The following CRY2 variants were observed in gnomAD, a reference collection of about 807,000 sequenced individuals.
CRY2 encodes cryptochrome circadian regulator 2.
CRY2 carries 31 observed loss-of-function variants against 69.5 expected under a neutral mutation model. The observed-to-expected ratio is 0.45, with a 90% CI of 0.34 to 0.60. CRY2 has a LOEUF of 0.60. Among genes scored for constraint, CRY2 ranks in the 20% least tolerant of loss-of-function variants. CRY2 has a pLI of 0.02. For missense variants in CRY2, 606 were observed against 797.8 expected, an observed-to-expected ratio of 0.76 and a Z score of 2.90; for synonymous variants, 303 against 312.2, an observed-to-expected ratio of 0.97 and a Z score of 0.31.
chr11:45,867,389 C>T (rs2086339441), intron 5 of CRY2: 3 of 551,968 alleles, frequency 5.4e-6, no homozygotes, highest in Non-Finnish European at 9.6e-6. Flanking sequence ...AACGTGTTCA[C>T]AGTCACCCCA....
chr11:45,875,299 AC>A (rs2086416885), intron 11 of CRY2, among the ~76,000 whole-genome samples: 1 of 152,212 alleles, frequency 6.6e-6, no homozygotes, highest in South Asian at 2.1e-4. Context: ...ACACAAGGTT[AC>A]AGTTGGGTCT....
At position 45,881,124 on chromosome 11, in the gene CRY2, G is replaced by C. The variant is rs1428932933; in HGVS notation, c.*213G>C. 1 of 152,500 alleles carries C rather than the reference G, an allele frequency of 6.6e-6. No homozygotes were observed. The allele number at this position is 152,500 out of a possible 1,614,324, so 9.4% of individuals were successfully genotyped here. ...ATTCTGAATGTTGCCTGGGCTGGGG[G>C]AGTACCTGTAGCACGCCAGTGCTGT... is the stretch of plus-strand genomic sequence containing the variant. On this transcript the variant is annotated 3_prime_UTR_variant, in exon 12 of 12. Coordinates refer to ENST00000616080, the MANE Select transcript of CRY2 (RefSeq NM_021117.5).
At chr11:45,880,801 T>C (rs2086465938) in intron 11 of CRY2, 113 bp from the exon 12 acceptor site, 1 of 152,292 alleles carries the variant, frequency 6.6e-6, no homozygotes, top group Admixed American at 6.5e-5. Context: ...CTCTTTCAGC[T>C]CTTCTCAGGT....
intron 3 of CRY2, among the ~76,000 whole-genome samples, chr11:45,860,466 A>G (rs564563931): frequency 6.6e-6 from 1 of 151,028 alleles, no homozygotes; most frequent in African/African-American, 2.4e-5. Flanking sequence ...GTAGAGGCCT[A>G]TGGGGATTCC....
In CRY2 at chr11:45,870,089, G is replaced by A. The variant is rs879578351; in HGVS notation, c.1231G>A (p.Val411Met). The A allele has an allele frequency of 3.1e-6, 5 of 1,611,542 alleles. No homozygotes were observed. The highest frequency in any genetic ancestry group is 1.3e-5 in the African/African-American group (1 of 75,024). Residue 411 changes from valine to methionine, a missense_variant, in exon 8 of 12, where the codon GTG (valine) becomes ATG (methionine). This residue lies in a region of CRY2 where 382 missense variants were observed against 508.9 expected (regional missense o/e 0.75). Transcript: ENST00000616080. ...GCTGCTCCTGGATGCAGATTTCAGC[G>A]TGAACGCAGGCAGCTGGATGTGGCT... The part of the protein sequence containing the change: ...DELLLDADFS[V>M]NAGSWMWLSC...
In CRY2 at chr11:45,858,720, T is replaced by G. The variant is rs1303730431; in HGVS notation, c.325-11T>G. 2 of 1,611,496 alleles carry G rather than the reference T, an allele frequency of 1.2e-6. No homozygotes were observed. The highest frequency in any genetic ancestry group is 1.7e-6 in the Non-Finnish European group (2 of 1,178,570). The stretch of plus-strand genomic sequence containing the variant: ...ACACAGTGTTGAGCATAACAGATCC[T>G]CTCCCCACAGGAATGGGGAGTGACC... On this transcript the variant is annotated splice_polypyrimidine_tract_variant and intron_variant, in intron 2 of 11. Transcript: ENST00000616080.
intron 3 of CRY2, among the ~76,000 whole-genome samples, chr11:45,860,139 C>T (rs1196836127): frequency 1.3e-5 from 2 of 152,206 alleles, no homozygotes; most frequent in South Asian, 2.1e-4. Context: ...TTCTCTTCTT[C>T]GCCCTCTGAT....
At chr11:45,848,009 C>T (rs1463536502) in intron 1 of CRY2, among the ~76,000 whole-genome samples, 4 of 152,158 alleles carry the variant, frequency 2.6e-5, no homozygotes, top group African/African-American at 9.7e-5. Context: ...TGCCCAAGGA[C>T]TTGTAGCCAG....
chr11:45,852,300 A>C (rs1408610244), intron 1 of CRY2, among the ~76,000 whole-genome samples: 1 of 152,236 alleles, frequency 6.6e-6, no homozygotes, highest in African/African-American at 2.4e-5. Context: ...TGCCCAGGCC[A>C]GTTTCCTTCA....
At position 45,859,869 on chromosome 11, in the gene CRY2, G is replaced by T. The variant is rs60988489; in HGVS notation, c.468-979G>T. On this transcript the variant is annotated intron_variant, in intron 3 of 11. Transcript: ENST00000616080. Reference sequence around the variant, plus strand: ...CCAGTGCTGGCTGCCAAGAAGCCAGGTCACACAGCTGTGCACGTGAGCCGG... The same window carrying T: ...CCAGTGCTGGCTGCCAAGAAGCCAGTTCACACAGCTGTGCACGTGAGCCGG... Among the ~76,000 whole-genome samples, 1,455 of 152,278 alleles carry T rather than the reference G, an allele frequency of 9.6e-3. 33 individuals are homozygous for T. The highest frequency in any genetic ancestry group is 0.032 in the African/African-American group (1,334 of 41,558).
rs377682679 is a variant in CRY2, at chr11:45,860,995, C to T, written c.615C>T (p.His205=). The change falls in exon 4 of 12, where the codon CAC becomes CAT. Residue 205 remains histidine, a synonymous_variant. Coordinates refer to ENST00000616080, the MANE Select transcript of CRY2 (RefSeq NM_021117.5). ...GCAGGGCCGAGATCCAGGAGAACCA[C>T]GACGAGACCTACGGCGTGCCCTCCC... is the stretch of plus-strand genomic sequence containing the variant. ...ESCRAEIQEN[H]DETYGVPSLE... 428 of 1,613,806 alleles carry T rather than the reference C, an allele frequency of 2.7e-4. 6 individuals are homozygous for T. The South Asian group carries it at 4.1e-3, about 15-fold the overall frequency.
intron 6 of CRY2, among the ~76,000 whole-genome samples, chr11:45,868,874 C>G (rs1256344116): frequency 6.6e-6 from 1 of 152,022 alleles, no homozygotes; most frequent in Non-Finnish European, 1.5e-5. Flanking sequence ...GGGCTCAGGC[C>G]ATCCACCCAC....
At chr11:45,879,867 C>T (rs544024709) in intron 11 of CRY2, among the ~76,000 whole-genome samples, 49 of 152,352 alleles carry the variant, frequency 3.2e-4, no homozygotes, top group African/African-American at 1.1e-3. Context: ...TGAGGCTCCT[C>T]TCTGTGGCTT....
chr11:45,849,216 G>C (rs2086175122), intron 1 of CRY2, among the ~76,000 whole-genome samples: 1 of 152,174 alleles, frequency 6.6e-6, no homozygotes, highest in African/African-American at 2.4e-5. Flanking sequence ...CAGTTTGCTA[G>C]GAACCAGGTG....
chr11:45,865,120 GT>G (rs2086319761), intron 5 of CRY2, among the ~76,000 whole-genome samples: 1 of 150,248 alleles, frequency 6.7e-6, no homozygotes, highest in Non-Finnish European at 1.5e-5. Flanking sequence ...GCACATTTGG[GT>G]AAAAAAAAAA....
At chr11:45,863,406 C>G (rs977382659) in intron 5 of CRY2, among the ~76,000 whole-genome samples, 8 of 151,982 alleles carry the variant, frequency 5.3e-5, no homozygotes. Flanking sequence ...TTTCCACATA[C>G]CCCCAGAGAG....
At chr11:45,878,317 C>G (rs2086439732) in intron 11 of CRY2, among the ~76,000 whole-genome samples, 1 of 152,188 alleles carries the variant, frequency 6.6e-6, no homozygotes, top group African/African-American at 2.4e-5. Context: ...TCTTCATGCA[C>G]TCTTTATCTT....
At chr11:45,847,778 G>C (rs887989387) in intron 1 of CRY2, 73 bp downstream of exon 1, 4 of 1,466,330 alleles carry the variant, frequency 2.7e-6, no homozygotes, top group Non-Finnish European at 3.6e-6. Context: ...CGAACAGCAC[G>C]ATCCCCCCAA....
Position 45,869,714 on chromosome 11 carries a change from C to T in CRY2, c.1091C>T (p.Thr364Ile), listed in dbSNP as rs756953599. Reference protein sequence around the residue: ...TGFPWIDAIMTQLRQEGWIHH... With the variant: ...TGFPWIDAIMIQLRQEGWIHH... The stretch of plus-strand genomic sequence containing the variant: ...TTCCCTTGGATTGATGCCATCATGA[C>T]CCAACTGAGGCAGGAGGGCTGGATC... The change falls in exon 7 of 12, where the codon ACC becomes ATC. Residue 364 changes from threonine (T) to isoleucine (I), a missense_variant. Thr to Ile is a moderately conservative substitution (Grantham distance 89). Coordinates refer to ENST00000616080, the MANE Select transcript of CRY2 (RefSeq NM_021117.5). The T allele has an allele frequency of 6.2e-7, 1 of 1,614,210 alleles. No homozygotes were observed. Among genetic ancestry groups the T allele is most frequent in the South Asian group, 1.1e-5 (1 of 91,090 alleles).
Sources: allele counts gnomAD v4.1 joint callset (sites outside exome capture counted in the v4.1 genomes callset), GRCh38; gene constraint gnomAD v4.1.1; regional missense constraint gnomAD v4.1.1; transcripts MANE v1.5; gene names NCBI Gene and HGNC (gene_info 2026-07-23, HGNC 2026-07-21).